Variants in QTMAN observed in about 807,000 individuals in gnomAD.
QTMAN encodes tRNA-queuosine alpha-mannosyltransferase.
chr2:144,297,666 C>T, the QTMAN span, among the ~76,000 whole-genome samples: 1 of 150,506 alleles, frequency 6.6e-6, no homozygotes, highest in Non-Finnish European at 1.5e-5. Context: ...CTGCAATCTC[C>T]ACCTCCCGGG....
At chr2:144,204,457 CAGTTAGAATGATGATCATTAAAA>C in the QTMAN span, among the ~76,000 whole-genome samples, 1 of 152,146 alleles carries the variant, frequency 6.6e-6, no homozygotes, top group Non-Finnish European at 1.5e-5. Context: ...CATCTCACAC[CAGTTAGAATGATGATCATTAAAA>C]AGTCAGAAAA....
the QTMAN span, chr2:143,945,438 G>C: frequency 1.3e-5 from 2 of 152,474 alleles, no homozygotes; most frequent in African/African-American, 4.8e-5. Flanking sequence ...TCTTGTTTCT[G>C]CTTCTTACTC....
the QTMAN span, among the ~76,000 whole-genome samples, chr2:144,037,234 C>T: frequency 0.045 from 6,781 of 152,204 alleles, 268 homozygotes; most frequent in East Asian, 0.18. Flanking sequence ...TGAACAACAA[C>T]GTGAATGAAC....
At chr2:143,999,085 A>T in the QTMAN span, among the ~76,000 whole-genome samples, 1 of 152,018 alleles carries the variant, frequency 6.6e-6, no homozygotes, top group Non-Finnish European at 1.5e-5. Context: ...GCATGGAAAA[A>T]ATTCCCCCTA....
the QTMAN span, among the ~76,000 whole-genome samples, chr2:144,181,900 G>A: frequency 1.3e-5 from 2 of 152,128 alleles, no homozygotes; most frequent in Non-Finnish European, 2.9e-5. Context: ...AATAGCATTA[G>A]TGAACATATC....
chr2:144,299,038 G>C, the QTMAN span, among the ~76,000 whole-genome samples: 1 of 152,100 alleles, frequency 6.6e-6, no homozygotes, highest in African/African-American at 2.4e-5. Flanking sequence ...AGAGCAGGTT[G>C]ATTTCCCTGT....
At chr2:144,331,589 A>T in the QTMAN span, among the ~76,000 whole-genome samples, 1 of 152,072 alleles carries the variant, frequency 6.6e-6, no homozygotes, top group Middle Eastern at 3.2e-3. Flanking sequence ...TTAACTTAAG[A>T]ATCTCAAGAT....
At chr2:144,243,500 TAAGA>T in the QTMAN span, among the ~76,000 whole-genome samples, 1 of 152,190 alleles carries the variant, frequency 6.6e-6, no homozygotes, top group Non-Finnish European at 1.5e-5. Flanking sequence ...CAATATAATT[TAAGA>T]AACAGTAATG....
At chr2:144,012,573 G>T in the QTMAN span, among the ~76,000 whole-genome samples, 2 of 152,262 alleles carry the variant, frequency 1.3e-5, no homozygotes, top group South Asian at 4.1e-4. Context: ...ATGTGCCGTT[G>T]AATAGAATAT....
At chr2:144,231,345 T>C in the QTMAN span, among the ~76,000 whole-genome samples, 1 of 152,126 alleles carries the variant, frequency 6.6e-6, no homozygotes, top group African/African-American at 2.4e-5. Flanking sequence ...TAGTTATAAT[T>C]ATAAACTTGA....
chr2:144,331,794 G>A, the QTMAN span, among the ~76,000 whole-genome samples: 1 of 152,230 alleles, frequency 6.6e-6, no homozygotes, highest in African/African-American at 2.4e-5. Context: ...TTAATCCTCA[G>A]ACGAGGGATT....
chr2:144,195,693 A>T, the QTMAN span, among the ~76,000 whole-genome samples: 1 of 152,286 alleles, frequency 6.6e-6, no homozygotes, highest in Admixed American at 6.5e-5. Context: ...AATCAAAGAA[A>T]TGGTTACTTT....
the QTMAN span, among the ~76,000 whole-genome samples, chr2:144,250,613 C>T: frequency 6.6e-6 from 1 of 151,738 alleles, no homozygotes; most frequent in Non-Finnish European, 1.5e-5. Flanking sequence ...GAGTAAAAAC[C>T]AGCTGTGTGA....
the QTMAN span, among the ~76,000 whole-genome samples, chr2:144,281,141 A>G: frequency 3.0e-4 from 45 of 148,132 alleles, 2 homozygotes; most frequent in South Asian, 6.8e-3. Flanking sequence ...CCCACCCAGA[A>G]TATTTTTTTA....
chr2:143,999,000 A>T, the QTMAN span, among the ~76,000 whole-genome samples: 1 of 143,428 alleles, frequency 7.0e-6, no homozygotes, highest in African/African-American at 3.0e-5. Context: ...CAATTACCAA[A>T]CAGTCACCCT....
At chr2:144,268,393 A>AAGGC in the QTMAN span, among the ~76,000 whole-genome samples, 1 of 152,216 alleles carries the variant, frequency 6.6e-6, no homozygotes, top group African/African-American at 2.4e-5. Flanking sequence ...ACAATAGACT[A>AAGGC]AGGCAGGAGT....
chr2:144,080,867 AAGC>A, the QTMAN span, among the ~76,000 whole-genome samples: 1 of 152,172 alleles, frequency 6.6e-6, no homozygotes, highest in Non-Finnish European at 1.5e-5. Context: ...ATCAAACACT[AAGC>A]AGTATCACCT....
chr2:143,971,832 TTACATCA>T, the QTMAN span, among the ~76,000 whole-genome samples: 1 of 152,134 alleles, frequency 6.6e-6, no homozygotes, highest in Non-Finnish European at 1.5e-5. Flanking sequence ...AATATGAAAA[TTACATCA>T]TTCAGGAAAT....
the QTMAN span, among the ~76,000 whole-genome samples, chr2:144,092,870 GGTGTGT>G: frequency 8.7e-4 from 122 of 140,720 alleles, no homozygotes; most frequent in East Asian, 3.1e-3. Context: ...AAACTTTTGG[GGTGTGT>G]GTGTGTGTGT....
Sources: allele counts gnomAD v4.1 joint callset (sites outside exome capture counted in the v4.1 genomes callset), GRCh38; gene constraint gnomAD v4.1.1; transcripts MANE v1.5; gene names NCBI Gene and HGNC (gene_info 2026-07-23, HGNC 2026-07-21).